The following ATP8A1 variants were observed in gnomAD, a reference collection of about 807,000 sequenced individuals.
ATP8A1 encodes the protein ATPase phospholipid transporting 8A1, also known as phospholipid-transporting ATPase IA.
A neutral mutation model predicts 177.7 loss-of-function variants in ATP8A1; 90 were observed. The ratio of observed to expected loss-of-function variants is 0.51; its 90% CI spans 0.43 to 0.60. The LOEUF (loss-of-function observed/expected upper bound fraction) is 0.60. Among genes scored for constraint, ATP8A1 ranks in the 20% least tolerant of loss-of-function variants. The pLI is 0.00. For missense variants in ATP8A1, 1,072 were observed against 1,392.8 expected, an observed-to-expected ratio of 0.77 and a Z score of 3.67; for synonymous variants, 493 against 485.9, an observed-to-expected ratio of 1.01 and a Z score of -0.19.
intron 20 of ATP8A1, among the ~76,000 whole-genome samples, chr4:42,525,235 G>C (rs1399674740): frequency 1.3e-5 from 2 of 152,212 alleles, no homozygotes; most frequent in African/African-American, 4.8e-5. Context: ...ACACTGGACT[G>C]AGCAAAGCAA....
At chr4:42,504,265 A>G (rs1244491920) in intron 23 of ATP8A1, among the ~76,000 whole-genome samples, 2 of 152,128 alleles carry the variant, frequency 1.3e-5, no homozygotes, top group Admixed American at 1.3e-4. Context: ...TCTCATATCC[A>G]AGTACTTACT....
At chr4:42,620,226 A>T (rs1201404875) in intron 4 of ATP8A1, among the ~76,000 whole-genome samples, 5 of 152,188 alleles carry the variant, frequency 3.3e-5, no homozygotes, top group African/African-American at 1.2e-4. Context: ...CCCATTTTAG[A>T]GAGTATTCTT....
intron 24 of ATP8A1, 68 bp from the exon 25 acceptor site, chr4:42,485,736 G>T (rs1049837741): frequency 3.0e-6 from 4 of 1,323,636 alleles, no homozygotes. Context: ...GATGCCTTAA[G>T]GATATTTGGC....
In ATP8A1 at chr4:42,423,607, A is replaced by G. The variant is rs1560307868; in HGVS notation, c.3212+10T>C. On this transcript the variant is annotated intron_variant, in intron 34 of 36. Coordinates refer to ENST00000381668, the MANE Select transcript of ATP8A1 (RefSeq NM_006095.2). Reference sequence around the variant, plus strand: ...TATATTTCTCCGTATATAACTGAGTATATACTTACACCTTGTACACCACAT... The same window carrying G: ...TATATTTCTCCGTATATAACTGAGTGTATACTTACACCTTGTACACCACAT... 5 of 1,589,504 alleles carry G rather than the reference A, an allele frequency of 3.1e-6. No homozygotes were observed. Among genetic ancestry groups the G allele is most frequent in the African/African-American group, 1.3e-5 (1 of 74,554 alleles).
intron 15 of ATP8A1, among the ~76,000 whole-genome samples, chr4:42,568,681 A>C (rs1204750186): frequency 6.6e-6 from 1 of 152,216 alleles, no homozygotes; most frequent in African/African-American, 2.4e-5. Context: ...GATTTTAAAA[A>C]CGTTCACTTC....
chr4:42,610,040 CT>C (rs1736213635), intron 5 of ATP8A1, among the ~76,000 whole-genome samples: 1 of 152,028 alleles, frequency 6.6e-6, no homozygotes, highest in Non-Finnish European at 1.5e-5. Context: ...CATATTAGTC[CT>C]TTCACCCTGC....
intron 25 of ATP8A1, among the ~76,000 whole-genome samples, chr4:42,478,427 CAT>C (rs1242980777): frequency 1.3e-5 from 2 of 152,156 alleles, no homozygotes; most frequent in Admixed American, 6.5e-5. Context: ...ATTCAATACA[CAT>C]ATGATAGATA....
At chr4:42,559,889 A>G (rs891125016) in intron 15 of ATP8A1, among the ~76,000 whole-genome samples, 12 of 152,214 alleles carry the variant, frequency 7.9e-5, no homozygotes, top group African/African-American at 2.7e-4. Flanking sequence ...TATTTTTAGT[A>G]GAGACAAGGT....
At chr4:42,559,547 T>C (rs1388536469) in intron 15 of ATP8A1, among the ~76,000 whole-genome samples, 1 of 152,202 alleles carries the variant, frequency 6.6e-6, no homozygotes. Context: ...ATACAAATTC[T>C]AAAAGAAAAG....
chr4:42,444,989 T>G (rs1314026237), intron 31 of ATP8A1, among the ~76,000 whole-genome samples: 1 of 152,196 alleles, frequency 6.6e-6, no homozygotes, highest in Non-Finnish European at 1.5e-5. Flanking sequence ...CAAGCTTACT[T>G]TACCTTTATT....
chr4:42,421,641 G>A (rs1713941708), intron 35 of ATP8A1, among the ~76,000 whole-genome samples: 1 of 152,106 alleles, frequency 6.6e-6, no homozygotes, highest in South Asian at 2.1e-4. Context: ...TGTTCCTTCA[G>A]CATAATGAGA....
chr4:42,448,392 C>CTTACTTTACTTTTTTTTTTTTTTTTTT (rs1560335169), intron 30 of ATP8A1, among the ~76,000 whole-genome samples: 10 of 19,928 alleles, frequency 5.0e-4, no homozygotes, highest in African/African-American at 8.1e-4. Flanking sequence ...CCCTCCTTCT[C>CTTACTTTACTTTTTTTTTTTTTTTTTT]TTTCTTTTCT....
At chr4:42,602,786 A>G (rs1477874937) in intron 5 of ATP8A1, among the ~76,000 whole-genome samples, 5 of 147,744 alleles carry the variant, frequency 3.4e-5, no homozygotes, top group Admixed American at 6.8e-5. Flanking sequence ...AAATAAAATA[A>G]AATTAAAATA....
intron 30 of ATP8A1, 123 bp from the exon 31 acceptor site, chr4:42,446,767 G>T (rs1717305698): frequency 4.0e-5 from 27 of 674,050 alleles, no homozygotes; most frequent in African/African-American, 9.9e-5. Flanking sequence ...AGCCAGAAAT[G>T]AGATTAAAAA....
At chr4:42,647,689 T>G (rs1174532818) in intron 1 of ATP8A1, among the ~76,000 whole-genome samples, 1 of 152,094 alleles carries the variant, frequency 6.6e-6, no homozygotes, top group African/African-American at 2.4e-5. Flanking sequence ...AGTGCTGATC[T>G]GAGATATAAA....
chr4:42,556,420 CTAT>C (rs776606075), intron 15 of ATP8A1, among the ~76,000 whole-genome samples: 17 of 152,002 alleles, frequency 1.1e-4, no homozygotes, highest in Non-Finnish European at 1.9e-4. Context: ...TTAACGAAAG[CTAT>C]TATACAAAAT....
chr4:42,559,244 T>C (rs1371393777), intron 15 of ATP8A1, among the ~76,000 whole-genome samples: 1 of 152,008 alleles, frequency 6.6e-6, no homozygotes, highest in Non-Finnish European at 1.5e-5. Flanking sequence ...AATGACAAAC[T>C]GGGAAAAAAT....
intron 1 of ATP8A1, among the ~76,000 whole-genome samples, chr4:42,654,794 C>A (rs1278782421): frequency 2.0e-5 from 3 of 152,206 alleles, no homozygotes; most frequent in South Asian, 2.1e-4. Flanking sequence ...CAACCATAGT[C>A]CAATCAGCTG....
intron 1 of ATP8A1, among the ~76,000 whole-genome samples, chr4:42,630,825 A>G (rs1577736230): frequency 2.0e-5 from 3 of 152,220 alleles, no homozygotes. Flanking sequence ...GGCAAAGCCA[A>G]GAATAAAACA....
Sources: allele counts gnomAD v4.1 joint callset (sites outside exome capture counted in the v4.1 genomes callset), GRCh38; gene constraint gnomAD v4.1.1; transcripts MANE v1.5; gene names NCBI Gene and HGNC (gene_info 2026-07-23, HGNC 2026-07-21).